PCSK5: variants seen among roughly 807,000 people sequenced by gnomAD.
PCSK5 encodes proprotein convertase subtilisin/kexin type 5.
Under a neutral mutation model 233.2 loss-of-function variants are expected in PCSK5, and 129 were observed. The ratio of observed to expected loss-of-function variants is 0.55; its 90% CI spans 0.48 to 0.64. The LOEUF (loss-of-function observed/expected upper bound fraction) is 0.64. Among genes scored for constraint, PCSK5 ranks in the 30% least tolerant of loss-of-function variants. PCSK5 has a pLI of 0.00. For missense variants in PCSK5, 2,076 were observed against 2,430.1 expected, an observed-to-expected ratio of 0.85 and a Z score of 3.06; for synonymous variants, 825 against 879.2, an observed-to-expected ratio of 0.94 and a Z score of 1.09.
intron 3 of PCSK5, among the ~76,000 whole-genome samples, chr9:76,017,460 C>T (rs1283859816): frequency 6.6e-6 from 1 of 152,150 alleles, no homozygotes; most frequent in Admixed American, 6.5e-5. Flanking sequence ...TTGTTATGTA[C>T]TTTATCTTCT....
At chr9:75,977,385 C>G (rs73450655) in intron 2 of PCSK5, among the ~76,000 whole-genome samples, 10 of 128,980 alleles carry the variant, frequency 7.8e-5, no homozygotes, top group Non-Finnish European at 1.6e-4. Flanking sequence ...TCCCGCCCCC[C>G]ACCCGCCACA....
At chr9:76,097,321 G>A (rs1330455111) in intron 8 of PCSK5, among the ~76,000 whole-genome samples, 3 of 129,574 alleles carry the variant, frequency 2.3e-5, no homozygotes, top group South Asian at 2.8e-4. Flanking sequence ...CTGCAGTGGC[G>A]CAATCTCGGC....
intron 9 of PCSK5, among the ~76,000 whole-genome samples, chr9:76,110,240 T>C (rs924398932): frequency 6.6e-6 from 1 of 152,194 alleles, no homozygotes; most frequent in Admixed American, 6.5e-5. Context: ...CTGCCAGGGT[T>C]CATTCAGTAA....
chr9:76,197,706 C>G (rs1824757350), intron 20 of PCSK5, among the ~76,000 whole-genome samples: 2 of 152,002 alleles, frequency 1.3e-5, no homozygotes, highest in South Asian at 4.2e-4. Context: ...TTAATACCCC[C>G]CCTCCTTCTG....
At chr9:76,286,300 C>A (rs758647205) in intron 24 of PCSK5, among the ~76,000 whole-genome samples, 13 of 152,176 alleles carry the variant, frequency 8.5e-5, no homozygotes, top group Non-Finnish European at 1.9e-4. Flanking sequence ...GTTTTAATGG[C>A]AGCTTATCTG....
intron 5 of PCSK5, among the ~76,000 whole-genome samples, chr9:76,050,702 A>G (rs761350247): frequency 6.6e-6 from 1 of 152,200 alleles, no homozygotes; most frequent in African/African-American, 2.4e-5. Flanking sequence ...GATTATTTGC[A>G]TAAGTCTTGC....
At chr9:76,309,100 TCCA>T (rs1421578367) in intron 29 of PCSK5, among the ~76,000 whole-genome samples, 2 of 151,962 alleles carry the variant, frequency 1.3e-5, no homozygotes, top group Non-Finnish European at 2.9e-5. Flanking sequence ...TCCCTGTAGT[TCCA>T]CCTACTTGGG....
Position 75,890,965 on chromosome 9 carries a change from C to T in PCSK5, c.-217C>T, listed in dbSNP as rs1188638314. 21 of 403,222 alleles carry T rather than the reference C, an allele frequency of 5.2e-5. No individual in the cohort carries two copies. Among genetic ancestry groups the T allele is most frequent in the Non-Finnish European group, 8.7e-6 (2 of 230,264 alleles). 25.0% of individuals were successfully genotyped at this position (403,222 alleles called of 1,614,324 possible). On this transcript the variant is annotated 5_prime_UTR_variant, in exon 1 of 38. Transcript: ENST00000674117. ...CCCACGGGCCGGAGAGCTGGGAGCA[C>T]AGGTCCCGGCAGCCCCAGGGATGGT...
chr9:76,228,865 G>A (rs1482833521), intron 21 of PCSK5, among the ~76,000 whole-genome samples: 1 of 152,124 alleles, frequency 6.6e-6, no homozygotes, highest in Non-Finnish European at 1.5e-5. Context: ...CTTGCAAGCG[G>A]GTGCTGTGGT....
intron 5 of PCSK5, among the ~76,000 whole-genome samples, chr9:76,039,560 T>G (rs1829006692): frequency 6.6e-6 from 1 of 152,170 alleles, no homozygotes; most frequent in Admixed American, 6.5e-5. Flanking sequence ...TTAATAAAAT[T>G]TAATAATTCT....
At chr9:76,091,961 G>A (rs1445646880) in intron 7 of PCSK5, among the ~76,000 whole-genome samples, 1 of 152,204 alleles carries the variant, frequency 6.6e-6, no homozygotes, top group Admixed American at 6.5e-5. Flanking sequence ...GCAACCTACT[G>A]TCCTCTCAAC....
At chr9:76,014,588 A>T (rs933637048) in intron 3 of PCSK5, among the ~76,000 whole-genome samples, 1 of 152,184 alleles carries the variant, frequency 6.6e-6, no homozygotes. Context: ...TGTTATTCCA[A>T]ACAAACTTCT....
chr9:76,044,278 G>A (rs1829281998), intron 5 of PCSK5, among the ~76,000 whole-genome samples: 1 of 152,176 alleles, frequency 6.6e-6, no homozygotes, highest in Non-Finnish European at 1.5e-5. Context: ...TGTATTCATG[G>A]TAGTATTTGA....
intron 2 of PCSK5, among the ~76,000 whole-genome samples, chr9:75,943,875 T>C (rs1372769589): frequency 6.6e-6 from 1 of 151,992 alleles, no homozygotes; most frequent in Non-Finnish European, 1.5e-5. Flanking sequence ...CAAAATAATA[T>C]GTAGGCCGAG....
At chr9:76,040,128 G>A (rs749243491) in intron 5 of PCSK5, among the ~76,000 whole-genome samples, 12 of 152,076 alleles carry the variant, frequency 7.9e-5, no homozygotes, top group East Asian at 3.9e-4. Flanking sequence ...TCTTTTTTAC[G>A]TATAAGGAAT....
rs143118987 is a variant in PCSK5 at position 75,923,790 on chromosome 9, G to A, written c.193-8589G>A. Among the ~76,000 whole-genome samples the A allele has an allele frequency of 3.3e-3, 495 of 152,268 alleles. 1 individual carries two copies. Among genetic ancestry groups the A allele is most frequent in the Non-Finnish European group, 5.0e-3 (342 of 68,020 alleles). ...GAGCTGTGCTCCTTCAGGAGATTCT[G>A]GAGGAGACTTTGTTTCCTTGCTTTT... On this transcript the variant is annotated intron_variant, in intron 1 of 37. Coordinates refer to ENST00000674117, the MANE Select transcript of PCSK5 (RefSeq NM_001372043.1).
intron 9 of PCSK5, among the ~76,000 whole-genome samples, chr9:76,116,353 A>G (rs1388670748): frequency 1.3e-5 from 2 of 152,142 alleles, no homozygotes; most frequent in Non-Finnish European, 2.9e-5. Context: ...TTCTCTATTC[A>G]TAATTCTGAA....
At chr9:76,187,886 A>T (rs957810886) in intron 17 of PCSK5, among the ~76,000 whole-genome samples, 1 of 152,246 alleles carries the variant, frequency 6.6e-6, no homozygotes, top group African/African-American at 2.4e-5. Flanking sequence ...AAATAATAAT[A>T]TAACAACAAA....
intron 35 of PCSK5, among the ~76,000 whole-genome samples, chr9:76,344,180 C>G (rs1162130619): frequency 6.6e-6 from 1 of 152,110 alleles, no homozygotes; most frequent in East Asian, 1.9e-4. Flanking sequence ...CAGTAATAAC[C>G]TAGAGCAATG....
Sources: allele counts gnomAD v4.1 joint callset (sites outside exome capture counted in the v4.1 genomes callset), GRCh38; gene constraint gnomAD v4.1.1; transcripts MANE v1.5; gene names NCBI Gene and HGNC (gene_info 2026-07-23, HGNC 2026-07-21).